Variants in PTPRO observed in about 807,000 individuals in gnomAD.
PTPRO encodes the protein protein tyrosine phosphatase receptor type O.
A neutral mutation model predicts 145.2 loss-of-function variants in PTPRO; 62 were observed. The observed-to-expected ratio is 0.43, with a 90% CI of 0.35 to 0.53. The LOEUF is 0.53. Ranked by LOEUF, PTPRO falls within the 20% of genes least tolerant of loss-of-function variation. The pLI is 0.01. For synonymous variants in PTPRO, 565 were observed against 514.7 expected (o/e 1.10, Z -1.32); for missense variants, 1,345 against 1,482.7 (o/e 0.91, Z 1.53).
chr12:15,394,254 A>C (rs1009941138), intron 1 of PTPRO, among the ~76,000 whole-genome samples: 3 of 152,156 alleles, frequency 2.0e-5, no homozygotes, highest in Non-Finnish European at 2.9e-5. Context: ...AAAGTCCCAA[A>C]GACTGTTTAG....
At chr12:15,383,343 C>T (rs967443889) in intron 1 of PTPRO, among the ~76,000 whole-genome samples, 3 of 149,884 alleles carry the variant, frequency 2.0e-5, no homozygotes, top group Non-Finnish European at 2.9e-5. Flanking sequence ...CATATATATA[C>T]CATGTTTTAA....
intron 1 of PTPRO, among the ~76,000 whole-genome samples, chr12:15,422,305 G>A (rs181400614): frequency 3.4e-4 from 51 of 152,112 alleles, no homozygotes; most frequent in South Asian, 1.5e-3. Context: ...TTGTTTCAGG[G>A]CATTTGAGGC....
chr12:15,551,772 T>C (rs1272971403), intron 15 of PTPRO, 101 bp downstream of exon 15: 7 of 1,312,408 alleles, frequency 5.3e-6, no homozygotes, highest in Non-Finnish European at 6.4e-6. Flanking sequence ...AGCGGTATAT[T>C]GGATTTTAGT....
chr12:15,436,785 G>A (rs1940606733), intron 1 of PTPRO, among the ~76,000 whole-genome samples: 1 of 152,218 alleles, frequency 6.6e-6, no homozygotes, highest in Non-Finnish European at 1.5e-5. Flanking sequence ...ATCTTATCTG[G>A]AGTGGGGTGG....
intron 19 of PTPRO, among the ~76,000 whole-genome samples, chr12:15,572,883 C>T (rs1944089386): frequency 6.6e-6 from 1 of 152,000 alleles, no homozygotes; most frequent in Admixed American, 6.6e-5. Context: ...GAGGAGGATG[C>T]TAACAGTATT....
intron 1 of PTPRO, among the ~76,000 whole-genome samples, chr12:15,325,658 T>C (rs187778236): frequency 4.5e-4 from 69 of 152,350 alleles, no homozygotes; most frequent in African/African-American, 1.5e-3. Context: ...CGCTGTTGTG[T>C]GTCTTCCCAT....
intron 1 of PTPRO, among the ~76,000 whole-genome samples, chr12:15,417,951 T>C (rs1316707859): frequency 6.6e-6 from 1 of 151,846 alleles, no homozygotes; most frequent in Non-Finnish European, 1.5e-5. Context: ...GTCAGAAAAC[T>C]GGCTACCCAT....
chr12:15,566,655 A>G (rs187705683), intron 18 of PTPRO, among the ~76,000 whole-genome samples: 80 of 152,026 alleles, frequency 5.3e-4, no homozygotes, highest in African/African-American at 1.9e-3. Flanking sequence ...CCAGTAGCTA[A>G]TACTACAGGC....
chr12:15,549,168 C>G lies in PTPRO; in HGVS notation c.2379C>G (p.Val793=), dbSNP rs575180162. The change falls in exon 14 of 27, where the codon GTC becomes GTG. Residue 793 remains valine (V), a synonymous_variant. Transcript: ENST00000281171. Reference sequence around the variant, plus strand: ...CTGCCACTGCCTACAATTGTAGTGTCACCAGCTTTAGCCATGACAGCCCCA... The same window carrying G: ...CTGCCACTGCCTACAATTGTAGTGTGACCAGCTTTAGCCATGACAGCCCCA... The part of the protein sequence containing the change: ...LLPATAYNCS[V]TSFSHDSPSV... The G allele has an allele frequency of 6.2e-7, 1 of 1,611,666 alleles. No homozygotes were observed. Among genetic ancestry groups the G allele is most frequent in the South Asian group, 1.1e-5 (1 of 90,990 alleles).
At chr12:15,514,360 G>A (rs1386922959) in intron 7 of PTPRO, among the ~76,000 whole-genome samples, 2 of 149,724 alleles carry the variant, frequency 1.3e-5, no homozygotes, top group African/African-American at 5.0e-5. Context: ...CCTGAGGCAG[G>A]AGAAATGCTT....
At chr12:15,565,405 A>T (rs1165383357) in intron 17 of PTPRO, 188 bp from the exon 18 acceptor site, 4 of 496,712 alleles carry the variant, frequency 8.1e-6, no homozygotes, top group African/African-American at 7.7e-5. Flanking sequence ...GTAGAGTTTT[A>T]AAAAATGAAT....
chr12:15,550,042 T>C (rs1439427984), intron 14 of PTPRO, among the ~76,000 whole-genome samples: 2 of 152,180 alleles, frequency 1.3e-5, no homozygotes, highest in Non-Finnish European at 2.9e-5. Flanking sequence ...AAATATACAG[T>C]TGACGATGAA....
intron 1 of PTPRO, among the ~76,000 whole-genome samples, chr12:15,433,477 C>T (rs1420015243): frequency 3.3e-5 from 5 of 152,212 alleles, no homozygotes; most frequent in Non-Finnish European, 7.3e-5. Context: ...GCCACCATGC[C>T]CAGCCAGTTT....
intron 11 of PTPRO, 135 bp downstream of exon 11, chr12:15,525,100 A>G: frequency 9.4e-7 from 1 of 1,063,210 alleles, no homozygotes; most frequent in Non-Finnish European, 1.4e-6. Context: ...TGGAGATAAG[A>G]CAGTGAACAA....
At chr12:15,527,464 A>G (rs1437966395) in intron 12 of PTPRO, among the ~76,000 whole-genome samples, 1 of 152,210 alleles carries the variant, frequency 6.6e-6, no homozygotes, top group Non-Finnish European at 1.5e-5. Flanking sequence ...AGGCAGAAAC[A>G]AAGAGATGAG....
intron 1 of PTPRO, among the ~76,000 whole-genome samples, chr12:15,327,810 A>G (rs772381965): frequency 3.9e-5 from 6 of 152,104 alleles, no homozygotes; most frequent in South Asian, 2.1e-4. Flanking sequence ...TGACTCCAGC[A>G]GGTCCCATAG....
rs530850768 is a variant in PTPRO, at chr12:15,496,430, A to G, written c.350-815A>G. On this transcript the variant is annotated intron_variant, in intron 2 of 26. Transcript: ENST00000281171. ...ATGCTGGAATTACAGGTGACCCCAA[A>G]CCAAATTATTTAACATATCTTCTTA... is the stretch of plus-strand genomic sequence containing the variant. 2.5e-3 allele frequency among the ~76,000 whole-genome samples: 381 copies of G among 151,732 alleles called. 3 individuals carry two copies. The highest frequency in any genetic ancestry group is 3.7e-3 in the Non-Finnish European group (251 of 67,910).
At chr12:15,360,839 C>CAT (rs1938162685) in intron 1 of PTPRO, among the ~76,000 whole-genome samples, 1 of 100,612 alleles carries the variant, frequency 9.9e-6, no homozygotes, top group Non-Finnish European at 2.3e-5. Flanking sequence ...TATATATATA[C>CAT]GTGTGTATAT....
chr12:15,345,534 C>T (rs1473070745), intron 1 of PTPRO, among the ~76,000 whole-genome samples: 1 of 152,000 alleles, frequency 6.6e-6, no homozygotes, highest in Non-Finnish European at 1.5e-5. Flanking sequence ...CACATGTTTG[C>T]GTTCATAAGT....
Sources: allele counts gnomAD v4.1 joint callset (sites outside exome capture counted in the v4.1 genomes callset), GRCh38; gene constraint gnomAD v4.1.1; transcripts MANE v1.5; gene names NCBI Gene and HGNC (gene_info 2026-07-23, HGNC 2026-07-21).